The following PTPRD variants were observed in gnomAD, a reference collection of about 807,000 sequenced individuals.
The protein encoded by PTPRD is protein tyrosine phosphatase receptor type D.
A neutral mutation model predicts 214.5 loss-of-function variants in PTPRD; 34 were observed. That is an observed-to-expected ratio of 0.16 (90% CI 0.12 to 0.21). The LOEUF (loss-of-function observed/expected upper bound fraction) is 0.21. Ranked by LOEUF, PTPRD falls within the 10% of genes least tolerant of loss-of-function variation. PTPRD has a pLI of 1.00. For synonymous variants in PTPRD, 1,128 were observed against 845.7 expected (o/e 1.33, Z -5.79); for missense variants, 2,545 against 2,398.7 (o/e 1.06, Z -1.27).
intron 14 of PTPRD, among the ~76,000 whole-genome samples, chr9:8,620,964 T>A (rs1415723): frequency 0.46 from 69,642 of 151,898 alleles, 20,720 homozygotes; most frequent in African/African-American, 0.85. Context: ...TAGATATTAT[T>A]AAGTCTAAAG....
chr9:8,611,612 G>T (rs970053998), intron 14 of PTPRD, among the ~76,000 whole-genome samples: 3 of 151,888 alleles, frequency 2.0e-5, no homozygotes, highest in Admixed American at 2.0e-4. Flanking sequence ...GGGTCAGGTG[G>T]GAGGACCACC....
chr9:9,752,977 C>T (rs946764341), intron 6 of PTPRD, among the ~76,000 whole-genome samples: 2 of 152,052 alleles, frequency 1.3e-5, no homozygotes, highest in Non-Finnish European at 2.9e-5. Context: ...TGTACTTGTT[C>T]TCTACTTAAC....
chr9:10,548,310 G>T (rs185771313), intron 2 of PTPRD, among the ~76,000 whole-genome samples: 4 of 152,178 alleles, frequency 2.6e-5, no homozygotes, highest in African/African-American at 9.6e-5. Flanking sequence ...CTAAGAATAA[G>T]GAGAACTTGG....
At chr9:9,271,880 G>A (rs1490740470) in intron 9 of PTPRD, among the ~76,000 whole-genome samples, 1 of 151,166 alleles carries the variant, frequency 6.6e-6, no homozygotes, top group Non-Finnish European at 1.5e-5. Flanking sequence ...ATATACATAC[G>A]GAAAAATAGC....
intron 39 of PTPRD, among the ~76,000 whole-genome samples, chr9:8,345,002 T>C (rs1473279236): frequency 5.8e-5 from 3 of 52,126 alleles, no homozygotes; most frequent in South Asian, 5.7e-4. Flanking sequence ...ACAAGCAATG[T>C]AATGCTGGGA....
chr9:10,577,460 AT>A (rs1424453727), intron 2 of PTPRD, among the ~76,000 whole-genome samples: 1 of 152,214 alleles, frequency 6.6e-6, no homozygotes, highest in Non-Finnish European at 1.5e-5. Context: ...TCCAACTGAT[AT>A]TGACTGGATC....
At chr9:9,440,909 C>G (rs746077173) in intron 8 of PTPRD, among the ~76,000 whole-genome samples, 2 of 152,122 alleles carry the variant, frequency 1.3e-5, no homozygotes, top group Non-Finnish European at 2.9e-5. Flanking sequence ...ACCCTAGGAT[C>G]AGCATTTGAA....
In PTPRD at chr9:9,321,971, T is replaced by G. The variant is rs1050354203; in HGVS notation, c.-203+75478A>C. 2.0e-5 allele frequency among the ~76,000 whole-genome samples: 3 copies of G among 152,210 alleles called. No individual in the cohort carries two copies. In the East Asian group the frequency reaches 5.8e-4, roughly 29 times the overall value. On this transcript the variant is annotated intron_variant, in intron 9 of 45. Transcript: ENST00000381196. ...CATTAATCTGCCATCTAATGTTTAT[T>G]GGCAAGGCACTCTGGTAAGTATTAC...
chr9:10,000,514 A>G (rs2096280919), intron 4 of PTPRD, among the ~76,000 whole-genome samples: 1 of 152,206 alleles, frequency 6.6e-6, no homozygotes, highest in Non-Finnish European at 1.5e-5. Flanking sequence ...ATCAGGAAGT[A>G]GCCAGAAATA....
At chr9:10,178,437 G>C (rs2099262109) in intron 3 of PTPRD, among the ~76,000 whole-genome samples, 1 of 151,894 alleles carries the variant, frequency 6.6e-6, no homozygotes, top group Non-Finnish European at 1.5e-5. Flanking sequence ...GAAGAGAGGA[G>C]CCAAATTAGA....
intron 34 of PTPRD, among the ~76,000 whole-genome samples, chr9:8,437,581 T>G (rs1337898565): frequency 6.6e-6 from 1 of 152,166 alleles, no homozygotes; most frequent in Admixed American, 6.5e-5. Flanking sequence ...GGTTGCAGCC[T>G]TCTCCTGGAC....
intron 8 of PTPRD, among the ~76,000 whole-genome samples, chr9:9,432,271 T>C (rs2083494608): frequency 6.6e-6 from 1 of 152,054 alleles, no homozygotes; most frequent in Non-Finnish European, 1.5e-5. Context: ...GACACTGGCT[T>C]ATCTATTTCT....
At chr9:10,445,219 C>G (rs2098790522) in intron 2 of PTPRD, among the ~76,000 whole-genome samples, 1 of 151,966 alleles carries the variant, frequency 6.6e-6, no homozygotes, top group Admixed American at 6.6e-5. Context: ...TGAGCTAAGC[C>G]CACAAAGATC....
In PTPRD at chr9:10,280,354, TAA is replaced by T. The variant is rs200987945; in HGVS notation, c.-545+60607_-545+60608del. On this transcript the variant is annotated intron_variant, in intron 3 of 45. Coordinates refer to ENST00000381196, the MANE Select transcript of PTPRD (RefSeq NM_002839.4). Reference sequence around the variant, plus strand: ...AGTAGGAGAAAAATATTTAAATACATAAACACCACACACACACACACACACAC... The same window carrying T: ...AGTAGGAGAAAAATATTTAAATACATACACCACACACACACACACACACAC... Among the ~76,000 whole-genome samples the T allele has an allele frequency of 6.0e-3, 808 of 134,520 alleles. 8 individuals are homozygous for T. The highest frequency in any genetic ancestry group is 0.028 in the African/African-American group (764 of 27,646). 88.3% of individuals were successfully genotyped at this position (134,520 alleles called of 152,430 possible). A position where few individuals can be genotyped will look rare whatever the true frequency, so the allele number is the denominator to read the frequency against.
chr9:8,848,313 C>CTCTTTTTTTTTTTTTTTTTTTT (rs1338928285), intron 11 of PTPRD, among the ~76,000 whole-genome samples: 1 of 132,668 alleles, frequency 7.5e-6, no homozygotes, highest in African/African-American at 2.8e-5. Flanking sequence ...AAGATTTTTC[C>CTCTTTTTTTTTTTTTTTTTTTT]TTTTTTTTTT....
intron 2 of PTPRD, among the ~76,000 whole-genome samples, chr9:10,563,822 G>C (rs531819422): frequency 6.6e-6 from 1 of 151,862 alleles, no homozygotes; most frequent in Non-Finnish European, 1.5e-5. Context: ...CATATATAGA[G>C]TGACATAATT....
At chr9:10,397,405 TG>T (rs1272975755) in intron 2 of PTPRD, among the ~76,000 whole-genome samples, 1 of 152,054 alleles carries the variant, frequency 6.6e-6, no homozygotes, top group African/African-American at 2.4e-5. Flanking sequence ...TTATTGTTGT[TG>T]TTGCTCTTGA....
intron 7 of PTPRD, among the ~76,000 whole-genome samples, chr9:9,645,527 T>A (rs530716292): frequency 2.9e-4 from 44 of 150,980 alleles, no homozygotes; most frequent in Admixed American, 6.6e-5. Flanking sequence ...AAACATTTTT[T>A]AATAACTTCT....
intron 7 of PTPRD, among the ~76,000 whole-genome samples, chr9:9,652,204 G>C (rs1192054270): frequency 6.6e-6 from 1 of 151,998 alleles, no homozygotes; most frequent in African/African-American, 2.4e-5. Context: ...TCTATTACCA[G>C]TGTATCCTTG....
Sources: allele counts gnomAD v4.1 joint callset (sites outside exome capture counted in the v4.1 genomes callset), GRCh38; gene constraint gnomAD v4.1.1; transcripts MANE v1.5; gene names NCBI Gene and HGNC (gene_info 2026-07-23, HGNC 2026-07-21).